PEX1: variants seen among roughly 807,000 people sequenced by gnomAD.
The protein encoded by PEX1 is peroxisomal biogenesis factor 1, also known as peroxisomal ATPase PEX1.
A neutral mutation model predicts 152.5 loss-of-function variants in PEX1; 97 were observed. That is an observed-to-expected ratio of 0.64 (90% CI 0.54 to 0.75). The LOEUF is 0.75. PEX1 is among the 30% of genes least tolerant of loss of function. PEX1 has a pLI of 0.00. For missense variants in PEX1, 1,357 were observed against 1,516.3 expected, an observed-to-expected ratio of 0.89 and a Z score of 1.74; for synonymous variants, 485 against 531.6, an observed-to-expected ratio of 0.91 and a Z score of 1.21.
intron 5 of PEX1, among the ~76,000 whole-genome samples, chr7:92,514,790 G>A (rs1422289482): frequency 2.0e-5 from 3 of 152,052 alleles, no homozygotes; most frequent in Non-Finnish European, 2.9e-5. Context: ...AGTGGCTCAC[G>A]CCTGTAATCC....
rs1488983529 is a variant in PEX1 at position 92,494,250 on chromosome 7, G to A, written c.3030+43C>T. The A allele has an allele frequency of 3.7e-6, 5 of 1,356,474 alleles. No homozygotes were observed. In the Admixed American group the frequency reaches 5.2e-5, roughly 14 times the overall value. The allele number at this position is 1,356,474 out of a possible 1,614,324, so 84.0% of individuals were successfully genotyped here. A position where few individuals can be genotyped will look rare whatever the true frequency, so the allele number is the denominator to read the frequency against. ...GAAGTAAAGCTCACAAGGAAAGAGT[G>A]TAGCATTTGTTGGGTTTTGGACTCT... On this transcript the variant is annotated intron_variant, in intron 19 of 23. Transcript: ENST00000248633.
intron 16 of PEX1, 101 bp from the exon 17 acceptor site, chr7:92,496,878 T>A: frequency 1.3e-6 from 1 of 767,480 alleles, no homozygotes; most frequent in South Asian, 1.5e-5. Context: ...TTTAATATGA[T>A]TAAATGGATG....
At chr7:92,499,627 AT>A in intron 16 of PEX1, 76 bp downstream of exon 16, 1 of 1,270,988 alleles carries the variant, frequency 7.9e-7, no homozygotes. Context: ...ATGCCAGTGA[AT>A]TTACACTTTG....
At chr7:92,521,467 C>T (rs1793045931) in intron 2 of PEX1, among the ~76,000 whole-genome samples, 1 of 152,018 alleles carries the variant, frequency 6.6e-6, no homozygotes, top group Admixed American at 6.6e-5. Flanking sequence ...CATTGTTTCG[C>T]TCTTGTCACC....
chr7:92,510,859 A>C, intron 8 of PEX1, 85 bp downstream of exon 8: 1 of 729,882 alleles, frequency 1.4e-6, no homozygotes, highest in Non-Finnish European at 2.4e-6. Flanking sequence ...TTCACAATGC[A>C]AGGTGTTACA....
chr7:92,511,717 G>T lies in PEX1; in HGVS notation c.1360-14C>A. On this transcript the variant is annotated splice_polypyrimidine_tract_variant and intron_variant, in intron 6 of 23. Transcript: ENST00000248633. ...TATGTCTTTAGGCTGCCAGAAAAAGGAATAGTAATGAATTATCCTCATATC... is the reference window on the plus strand; with the variant it reads ...TATGTCTTTAGGCTGCCAGAAAAAGTAATAGTAATGAATTATCCTCATATC... The T allele has an allele frequency of 6.2e-7, 1 of 1,605,160 alleles. No homozygotes were observed.
In PEX1 at chr7:92,517,332, T is replaced by C. The variant is rs769902926; in HGVS notation, c.1183A>G (p.Asn395Asp). The change falls in exon 5 of 24, where the codon AAC (asparagine) becomes GAC (aspartate). Residue 395 changes from asparagine (N) to aspartate (D), a missense_variant. Transcript: ENST00000248633. ...QVVWNGLEEL[N>D]NAIKYTKNVE... ...TTTTTGGTATATTTGATGGCATTGT[T>C]CAATTCTTCAAGTCCATTCCAGACT... 1.9e-6 allele frequency: 3 copies of C among 1,613,788 alleles called. No individual in the cohort carries two copies. Among genetic ancestry groups the C allele is most frequent in the Admixed American group, 1.7e-5 (1 of 60,016 alleles).
chr7:92,501,629 A>G lies in PEX1; in HGVS notation c.2461T>C (p.Phe821Leu). 1 of 1,613,812 alleles carries G rather than the reference A, an allele frequency of 6.2e-7. No individual in the cohort carries two copies. Among genetic ancestry groups the G allele is most frequent in the Non-Finnish European group, 8.5e-7 (1 of 1,179,714 alleles). Residue 821 changes from phenylalanine to leucine, a missense_variant, in exon 15 of 24, where the codon TTT (phenylalanine) becomes CTT (leucine). Coordinates refer to ENST00000248633, the MANE Select transcript of PEX1 (RefSeq NM_000466.3). ...ACACTTCGCAAAGACGCAGGAAGAA[A>G]TCCGCGGAGAGCCTTTTGGAAGTCC... ...TLDFQKALRG[F>L]LPASLRSVNL...
intron 1 of PEX1, among the ~76,000 whole-genome samples, chr7:92,524,152 A>G (rs1408777756): frequency 1.3e-5 from 2 of 152,094 alleles, no homozygotes; most frequent in African/African-American, 4.8e-5. Flanking sequence ...CAGTGGCAAA[A>G]TCACGGCTCA....
chr7:92,525,762 A>G (rs1322544136), intron 1 of PEX1, among the ~76,000 whole-genome samples: 1 of 152,216 alleles, frequency 6.6e-6, no homozygotes, highest in African/African-American at 2.4e-5. Flanking sequence ...TGAAATAATG[A>G]CTTGAGTAAA....
chr7:92,521,990 C>G, intron 2 of PEX1, 112 bp downstream of exon 2: 4 of 1,030,482 alleles, frequency 3.9e-6, no homozygotes, highest in Non-Finnish European at 6.0e-6. Context: ...TAATAGCATA[C>G]AAATTAGGTG....
chr7:92,501,485 C>T lies in PEX1; in HGVS notation c.2583+22G>A. On this transcript the variant is annotated intron_variant, in intron 15 of 23. Coordinates refer to ENST00000248633, the MANE Select transcript of PEX1 (RefSeq NM_000466.3). ...TGGTTCTTCTGGGAGTAAGTATTCA[C>T]TTTTTCTTTTTTTAAACATACCTTG... The T allele has an allele frequency of 1.9e-6, 3 of 1,602,456 alleles. No individual in the cohort carries two copies. In the East Asian group the frequency reaches 6.7e-5, roughly 36 times the overall value.
At position 92,489,924 on chromosome 7, in the gene PEX1, T is replaced by C. The variant is rs756042510; in HGVS notation, c.3439-13A>G. ...GACATTGTGAGCTCTGCATGGTAAA[T>C]TGTAGTAATGAAAGATGGAAGGAAG... On this transcript the variant is annotated splice_polypyrimidine_tract_variant and intron_variant, in intron 21 of 23. Transcript: ENST00000248633. The C allele has an allele frequency of 1.5e-5, 22 of 1,501,298 alleles. No individual in the cohort carries two copies. In the Admixed American group the frequency reaches 2.2e-4, roughly 15 times the overall value. The allele number at this position is 1,501,298 out of a possible 1,614,324, so 93.0% of individuals were successfully genotyped here. A position where few individuals can be genotyped will look rare whatever the true frequency, so the allele number is the denominator to read the frequency against.
At chr7:92,506,713 C>A in intron 10 of PEX1, 1 of 513,276 alleles carries the variant, frequency 1.9e-6, no homozygotes, top group South Asian at 2.1e-5. Context: ...TCAACCCTAT[C>A]AACACCTAAT....
chr7:92,506,500 A>C, intron 10 of PEX1, 156 bp from the exon 11 acceptor site: 1 of 638,310 alleles, frequency 1.6e-6, no homozygotes, highest in Non-Finnish European at 2.8e-6. Flanking sequence ...TCATTTTATG[A>C]GGCCAGATTT....
At chr7:92,520,699 T>C (rs1793010546) in intron 2 of PEX1, among the ~76,000 whole-genome samples, 1 of 152,158 alleles carries the variant, frequency 6.6e-6, no homozygotes, top group East Asian at 1.9e-4. Context: ...CTTCAGGAGA[T>C]AGTGTCTTAC....
intron 14 of PEX1, 103 bp from the exon 15 acceptor site, chr7:92,501,776 T>C (rs1791940033): frequency 7.4e-7 from 1 of 1,358,306 alleles, no homozygotes; most frequent in Non-Finnish European, 1.0e-6. Context: ...TCTACTCAAA[T>C]AACTGCTTAT....
chr7:92,497,902 T>C (rs1791729990), intron 16 of PEX1, among the ~76,000 whole-genome samples: 1 of 150,890 alleles, frequency 6.6e-6, no homozygotes, highest in African/African-American at 2.4e-5. Context: ...ATCCCGTCTC[T>C]ACTAAAAATA....
At chr7:92,515,188 C>T (rs539837941) in intron 5 of PEX1, among the ~76,000 whole-genome samples, 10 of 148,746 alleles carry the variant, frequency 6.7e-5, no homozygotes, top group Non-Finnish European at 1.5e-4. Context: ...GACATAAAGA[C>T]GACTTTACTC....
Sources: gnomAD v4.1 joint callset for allele counts (sites outside exome capture counted in the v4.1 genomes callset) on GRCh38, gnomAD v4.1.1 for gene constraint, MANE v1.5 for transcripts, NCBI Gene and HGNC (gene_info 2026-07-23, HGNC 2026-07-21) for gene names.